The following WARS1 variants were observed in gnomAD, a reference collection of about 807,000 sequenced individuals.
WARS1 encodes the protein tryptophanyl-tRNA synthetase 1, also known as tryptophan--tRNA ligase, cytoplasmic.
A neutral mutation model predicts 47.8 loss-of-function variants in WARS1; 17 were observed. The ratio of observed to expected loss-of-function variants is 0.36; its 90% CI spans 0.24 to 0.53. WARS1 has a LOEUF of 0.53. WARS1 is among the 20% of genes least tolerant of loss of function. The probability of loss-of-function intolerance (pLI) is 0.91; values close to 1 mark genes in which losing one functional copy is unlikely to be tolerated. For synonymous variants in WARS1, 208 were observed against 228.1 expected, an observed-to-expected ratio of 0.91 and a Z score of 0.79; for missense variants, 434 against 608.0, an observed-to-expected ratio of 0.71 and a Z score of 3.01.
At chr14:100,335,231 C>G (rs938371639) in intron 10 of WARS1, among the ~76,000 whole-genome samples, 195 bp from the exon 11 acceptor site, 1 of 152,186 alleles carries the variant, frequency 6.6e-6, no homozygotes, top group African/African-American at 2.4e-5. Flanking sequence ...GGCTAGAAAC[C>G]TGGCTCTGAC....
At chr14:100,366,621 C>A (rs778934418) in intron 2 of WARS1, 26 of 742,798 alleles carry the variant, frequency 3.5e-5, no homozygotes, top group Non-Finnish European at 6.5e-5. Context: ...AGATTGCTGT[C>A]AGACATGGCC....
intron 6 of WARS1, among the ~76,000 whole-genome samples, chr14:100,352,351 C>A (rs979147349): frequency 1.3e-5 from 2 of 152,016 alleles, no homozygotes; most frequent in African/African-American, 4.8e-5. Flanking sequence ...ACCTCCTGAC[C>A]TTGTGATCCA....
At chr14:100,348,958 C>T (rs1300292952) in intron 6 of WARS1, among the ~76,000 whole-genome samples, 4 of 152,198 alleles carry the variant, frequency 2.6e-5, no homozygotes, top group Non-Finnish European at 4.4e-5. Context: ...CCTCAAGGGA[C>T]GGCTGTCCCC....
chr14:100,371,826 G>A (rs1896370139), intron 1 of WARS1, among the ~76,000 whole-genome samples: 1 of 152,116 alleles, frequency 6.6e-6, no homozygotes, highest in African/African-American at 2.4e-5. Flanking sequence ...AAGCAGAGGC[G>A]ATTGCTTGAG....
intron 6 of WARS1, among the ~76,000 whole-genome samples, chr14:100,352,498 T>C (rs1595434488): frequency 6.6e-6 from 1 of 152,172 alleles, no homozygotes; most frequent in African/African-American, 2.4e-5. Flanking sequence ...TGCTCACTGC[T>C]CACCTGCCCC....
chr14:100,335,617 C>G (rs140779868), intron 10 of WARS1, among the ~76,000 whole-genome samples: 2 of 152,156 alleles, frequency 1.3e-5, no homozygotes, highest in African/African-American at 4.8e-5. Context: ...ACCTCGTGAT[C>G]CACTCCCCCC....
At chr14:100,363,139 A>G (rs1257025263) in intron 2 of WARS1, among the ~76,000 whole-genome samples, 3 of 152,180 alleles carry the variant, frequency 2.0e-5, no homozygotes, top group African/African-American at 7.2e-5. Flanking sequence ...CCAATTATCT[A>G]TGGGAAGGCT....
chr14:100,345,273 G>A (rs553046177), intron 7 of WARS1, among the ~76,000 whole-genome samples: 2 of 152,026 alleles, frequency 1.3e-5, no homozygotes, highest in Non-Finnish European at 2.9e-5. Flanking sequence ...GATGGTTGCC[G>A]TGTCTGTGTA....
At chr14:100,367,354 C>T (rs1205400340) in intron 2 of WARS1, among the ~76,000 whole-genome samples, 1 of 151,944 alleles carries the variant, frequency 6.6e-6, no homozygotes, top group African/African-American at 2.4e-5. Flanking sequence ...CTTTCGGAGG[C>T]CGAGGTGGGC....
chr14:100,350,789 C>A lies in WARS1; in HGVS notation c.725+2898G>T, dbSNP rs371109776. Among the ~76,000 whole-genome samples, 47 of 152,226 alleles carry A rather than the reference C, an allele frequency of 3.1e-4. No individual in the cohort carries two copies. The East Asian group carries it at 6.7e-3, about 22-fold the overall frequency. ...CTAGTGGGGAGAGGGCCACACTGTA[C>A]CAGATGTGGCAGAGGTAAGGCCCAG... is the stretch of plus-strand genomic sequence containing the variant. On this transcript the variant is annotated intron_variant, in intron 6 of 10. Coordinates refer to ENST00000392882, the MANE Select transcript of WARS1 (RefSeq NM_004184.4).
At chr14:100,340,648 C>T (rs1303983064) in intron 9 of WARS1, 2 of 152,076 alleles carry the variant, frequency 1.3e-5, no homozygotes, top group Non-Finnish European at 2.9e-5. Flanking sequence ...CCTGCCTGAA[C>T]CTGTTATTTT....
intron 2 of WARS1, among the ~76,000 whole-genome samples, chr14:100,364,353 A>C (rs996176726): frequency 5.3e-5 from 8 of 152,102 alleles, no homozygotes; most frequent in African/African-American, 1.9e-4. Flanking sequence ...GCTGCTACTG[A>C]AGGATGTGGA....
chr14:100,360,769 C>T (rs370065177), intron 3 of WARS1, 107 bp from the exon 4 acceptor site: 2 of 775,604 alleles, frequency 2.6e-6, no homozygotes. Context: ...TCTTAATGAA[C>T]ACAAACCTCT....
intron 10 of WARS1, 40 bp from the exon 11 acceptor site, chr14:100,335,076 A>T: frequency 6.3e-7 from 1 of 1,598,150 alleles, no homozygotes; most frequent in South Asian, 1.1e-5. Flanking sequence ...ATGGCTCCAC[A>T]TGTCCTGAGT....
At chr14:100,339,582 C>A (rs559042588) in intron 9 of WARS1, among the ~76,000 whole-genome samples, 209 of 125,254 alleles carry the variant, frequency 1.7e-3, no homozygotes, top group African/African-American at 6.0e-3. Flanking sequence ...CAGAGTGAGA[C>A]TCCGTCTCAA....
At chr14:100,354,848 A>G (rs760081700) in intron 4 of WARS1, among the ~76,000 whole-genome samples, 5 of 152,176 alleles carry the variant, frequency 3.3e-5, no homozygotes, top group Non-Finnish European at 5.9e-5. Flanking sequence ...ATCCCTCCAA[A>G]CATCAGTGCC....
intron 2 of WARS1, among the ~76,000 whole-genome samples, chr14:100,363,295 T>C (rs1895765915): frequency 6.6e-6 from 1 of 152,114 alleles, no homozygotes; most frequent in Non-Finnish European, 1.5e-5. Context: ...TCAAGGACCA[T>C]CTGCATTTTG....
In WARS1 at chr14:100,344,084, CCCACGGTCTCCCTCTCCCTCTCTTT is replaced by C. The variant is rs894600286; in HGVS notation, c.827-722_827-698del. 1.9e-4 allele frequency among the ~76,000 whole-genome samples: 26 copies of C among 140,014 alleles called. 1 individual carries two copies. The highest frequency in any genetic ancestry group is 4.7e-4 in the African/African-American group (18 of 38,596). The allele number at this position is 140,014 out of a possible 152,430, so 91.9% of individuals were successfully genotyped here. ...GCTTCCCTCTTCCCTCTTCCCTCTC[CCCACGGTCTCCCTCTCCCTCTCTTT>C]CCACGGTCTCCCTCTGATGCGGAGC... On this transcript the variant is annotated intron_variant, in intron 7 of 10. Coordinates refer to ENST00000392882, the MANE Select transcript of WARS1 (RefSeq NM_004184.4).
chr14:100,354,120 C>T, intron 5 of WARS1: 1 of 520,926 alleles, frequency 1.9e-6, no homozygotes, highest in East Asian at 3.3e-5. Context: ...TACAGTAGTT[C>T]TATGAGGTAG....
Sources: allele counts gnomAD v4.1 joint callset (sites outside exome capture counted in the v4.1 genomes callset), GRCh38; gene constraint gnomAD v4.1.1; transcripts MANE v1.5; gene names NCBI Gene and HGNC (gene_info 2026-07-23, HGNC 2026-07-21).